The following PABPC4L variants were observed in gnomAD, a reference collection of about 807,000 sequenced individuals.
PABPC4L encodes the protein polyadenylate-binding protein 4-like.
For missense variants in PABPC4L, 452 were observed against 451.4 expected, an observed-to-expected ratio of 1.00 and a Z score of -0.01; for synonymous variants, 169 against 164.1, an observed-to-expected ratio of 1.03 and a Z score of -0.23.
At chr4:134,115,466 A>G in the PABPC4L span, among the ~76,000 whole-genome samples, 1 of 151,824 alleles carries the variant, frequency 6.6e-6, no homozygotes, top group Admixed American at 6.6e-5. Flanking sequence ...TAGGAACCTA[A>G]TATACAGCTA....
chr4:134,000,311 A>T, the PABPC4L span, among the ~76,000 whole-genome samples: 10 of 152,172 alleles, frequency 6.6e-5, no homozygotes, highest in African/African-American at 2.4e-4. Flanking sequence ...AATGCTTAAC[A>T]GAAAATATAA....
the PABPC4L span, among the ~76,000 whole-genome samples, chr4:133,991,586 T>A: frequency 6.6e-6 from 1 of 152,194 alleles, no homozygotes; most frequent in East Asian, 1.9e-4. Context: ...GGTAGCTGTT[T>A]GTGCTGATTC....
At chr4:134,025,147 A>G in the PABPC4L span, among the ~76,000 whole-genome samples, 1 of 151,082 alleles carries the variant, frequency 6.6e-6, no homozygotes, top group Non-Finnish European at 1.5e-5. Context: ...CCTGGCATAC[A>G]TAGGGAAACC....
At chr4:133,986,895 C>G in the PABPC4L span, among the ~76,000 whole-genome samples, 1 of 152,112 alleles carries the variant, frequency 6.6e-6, no homozygotes, top group South Asian at 2.1e-4. Flanking sequence ...GCCACCATGC[C>G]CTGCTAATTT....
At chr4:134,125,699 G>T in the PABPC4L span, among the ~76,000 whole-genome samples, 1 of 152,120 alleles carries the variant, frequency 6.6e-6, no homozygotes, top group Non-Finnish European at 1.5e-5. Flanking sequence ...ATCTGTCATT[G>T]TAATAGTCAT....
At chr4:133,976,596 AT>A in the PABPC4L span, among the ~76,000 whole-genome samples, 1 of 152,100 alleles carries the variant, frequency 6.6e-6, no homozygotes, top group East Asian at 1.9e-4. Context: ...AAGCTTTCAT[AT>A]TTCTCTGCAA....
the PABPC4L span, among the ~76,000 whole-genome samples, chr4:134,090,358 T>A: frequency 9.2e-5 from 14 of 152,140 alleles, no homozygotes; most frequent in South Asian, 2.1e-4. Context: ...TCATTTTTTT[T>A]AAACATTTAG....
the PABPC4L span, among the ~76,000 whole-genome samples, chr4:134,004,603 C>G: frequency 4.6e-3 from 700 of 151,942 alleles, 7 homozygotes; most frequent in African/African-American, 0.014. Flanking sequence ...AGCAATCCCA[C>G]TACTGTGTAT....
the PABPC4L span, among the ~76,000 whole-genome samples, chr4:134,054,079 C>T: frequency 3.3e-4 from 50 of 151,424 alleles, no homozygotes; most frequent in African/African-American, 1.1e-3. Context: ...ATTAATGAGA[C>T]TTAATACTAG....
the PABPC4L span, among the ~76,000 whole-genome samples, chr4:134,168,535 G>A: frequency 1.9e-4 from 28 of 151,190 alleles, no homozygotes; most frequent in Admixed American, 4.6e-4. Context: ...GAGTAACTAC[G>A]AAAAAAAGAG....
chr4:134,188,445 C>G, the PABPC4L span, among the ~76,000 whole-genome samples: 1 of 152,032 alleles, frequency 6.6e-6, no homozygotes, highest in Non-Finnish European at 1.5e-5. Context: ...ATAACATTTC[C>G]CTTCTCTCTG....
Position 134,200,525 on chromosome 4 carries a change from G to A in PABPC4L, c.495C>T (p.Cys165=), listed in dbSNP as rs1578885521. 3 of 1,551,378 alleles carry A rather than the reference G, an allele frequency of 1.9e-6. No homozygotes were observed. Among genetic ancestry groups the A allele is most frequent in the East Asian group, 4.9e-5 (2 of 40,896 alleles). ...EEMNGKLLKG[C]KVFVGRFKNR... ...TTTTGAATCTGCCAACAAACACCTT[G>A]CAGCCCTTGAGTAGTTTTCCATTCA... The change falls in exon 2 of 2, where the codon TGC becomes TGT. Residue 165 remains cysteine, a synonymous_variant. Coordinates refer to ENST00000421491, the MANE Select transcript of PABPC4L (RefSeq NM_001114734.2).
At chr4:134,031,447 C>T in the PABPC4L span, among the ~76,000 whole-genome samples, 1 of 151,914 alleles carries the variant, frequency 6.6e-6, no homozygotes, top group Non-Finnish European at 1.5e-5. Flanking sequence ...ATGTATTACT[C>T]ACAGTAAATT....
At chr4:133,967,460 AT>A in the PABPC4L span, among the ~76,000 whole-genome samples, 2 of 152,324 alleles carry the variant, frequency 1.3e-5, no homozygotes, top group Non-Finnish European at 2.9e-5. Context: ...CTCTGGAGAT[AT>A]ACATTTAGTG....
the PABPC4L span, among the ~76,000 whole-genome samples, chr4:133,991,249 T>C: frequency 6.8e-3 from 1,032 of 152,216 alleles, 13 homozygotes; most frequent in African/African-American, 0.024. Context: ...GTTTGTTGGG[T>C]GTATAGACTA....
At chr4:134,031,666 T>G in the PABPC4L span, among the ~76,000 whole-genome samples, 1 of 151,972 alleles carries the variant, frequency 6.6e-6, no homozygotes, top group Non-Finnish European at 1.5e-5. Context: ...TTAGTCACTT[T>G]GCAACTCATA....
chr4:134,174,247 T>C, the PABPC4L span, among the ~76,000 whole-genome samples: 58 of 152,170 alleles, frequency 3.8e-4, no homozygotes, highest in African/African-American at 1.3e-3. Context: ...ACTTCTGAAA[T>C]AACTCCTGAA....
the PABPC4L span, among the ~76,000 whole-genome samples, chr4:134,132,235 G>T: frequency 6.6e-6 from 1 of 151,852 alleles, no homozygotes; most frequent in East Asian, 1.9e-4. Flanking sequence ...AACCTCAAAA[G>T]ATTCTACACA....
the PABPC4L span, among the ~76,000 whole-genome samples, chr4:134,054,161 C>T: frequency 6.7e-6 from 1 of 148,854 alleles, no homozygotes; most frequent in Non-Finnish European, 1.5e-5. Context: ...ATTTAGTCAT[C>T]TTCAAGTCTA....
Sources: allele counts gnomAD v4.1 joint callset (sites outside exome capture counted in the v4.1 genomes callset), GRCh38; gene constraint gnomAD v4.1.1; transcripts MANE v1.5; gene names NCBI Gene and HGNC (gene_info 2026-07-23, HGNC 2026-07-21).